LDB2: variants seen among roughly 807,000 people sequenced by gnomAD.
The protein encoded by LDB2 is LIM domain binding 2.
LDB2 carries 12 observed loss-of-function variants against 44.3 expected under a neutral mutation model. The ratio of observed to expected loss-of-function variants is 0.27; its 90% CI spans 0.17 to 0.44. The LOEUF is 0.44. LDB2 is among the 20% of genes least tolerant of loss of function. LDB2 has a pLI of 1.00. For synonymous variants in LDB2, 164 were observed against 174.8 expected (o/e 0.94, Z 0.49); for missense variants, 344 against 473.5 (o/e 0.73, Z 2.54).
At chr4:16,546,332 T>C (rs1471829042) in intron 5 of LDB2, among the ~76,000 whole-genome samples, 1 of 152,192 alleles carries the variant, frequency 6.6e-6, no homozygotes, top group African/African-American at 2.4e-5. Context: ...TTCTAAAATG[T>C]GAATTGGCCC....
At chr4:16,879,376 C>G (rs745801540) in intron 1 of LDB2, among the ~76,000 whole-genome samples, 11 of 152,264 alleles carry the variant, frequency 7.2e-5, no homozygotes, top group Non-Finnish European at 1.6e-4. Flanking sequence ...CTGGGTATGT[C>G]TGTGAAGGTG....
At position 16,863,821 on chromosome 4, in the gene LDB2, C is replaced by T. The variant is rs184514892; in HGVS notation, c.132+34533G>A. Among the ~76,000 whole-genome samples the T allele has an allele frequency of 6.8e-3, 1,029 of 152,198 alleles. 16 individuals carry two copies. The highest frequency in any genetic ancestry group is 0.024 in the African/African-American group (976 of 41,528). On this transcript the variant is annotated intron_variant, in intron 1 of 7. Coordinates refer to ENST00000304523, the MANE Select transcript of LDB2 (RefSeq NM_001290.5). The stretch of plus-strand genomic sequence containing the variant: ...GATTACAGGCACCCGCCACCACGCC[C>T]GGCTAATTTTTTGTATTTTTAGTAG...
At chr4:16,790,324 G>A (rs1037681731) in intron 1 of LDB2, among the ~76,000 whole-genome samples, 40 of 152,102 alleles carry the variant, frequency 2.6e-4, no homozygotes, top group African/African-American at 7.7e-4. Flanking sequence ...AACATAATAC[G>A]GTCATGCACC....
intron 1 of LDB2, among the ~76,000 whole-genome samples, chr4:16,847,480 T>TA (rs1284985906): frequency 2.0e-5 from 3 of 152,262 alleles, no homozygotes; most frequent in Non-Finnish European, 2.9e-5. Flanking sequence ...CAAAGATGTT[T>TA]ACCATAGTGG....
chr4:16,886,975 G>T (rs1443314917), intron 1 of LDB2, among the ~76,000 whole-genome samples: 2 of 140,914 alleles, frequency 1.4e-5, no homozygotes, highest in Non-Finnish European at 3.0e-5. Flanking sequence ...AGAGCTTGCA[G>T]TGAGCTGAGA....
At chr4:16,659,474 G>T (rs1740841992) in intron 2 of LDB2, among the ~76,000 whole-genome samples, 1 of 151,810 alleles carries the variant, frequency 6.6e-6, no homozygotes. Flanking sequence ...AATAAATGTT[G>T]CTCATAACTC....
Position 16,898,511 on chromosome 4 carries a change from T to C in LDB2, c.-26A>G, listed in dbSNP as rs1334660336. The C allele has an allele frequency of 6.2e-7, 1 of 1,612,096 alleles. No homozygotes were observed. ...CTTGCCTGCTTTTCGAAAATCAAGC[T>C]AAACAGAGTATCAGTAACGTCCATG... On this transcript the variant is annotated 5_prime_UTR_variant, in exon 1 of 8. Transcript: ENST00000304523.
chr4:16,751,456 A>G (rs773658360), intron 2 of LDB2, among the ~76,000 whole-genome samples: 12 of 152,150 alleles, frequency 7.9e-5, no homozygotes, highest in Non-Finnish European at 2.9e-5. Context: ...GTTATGGCCA[A>G]TTTGCAACTT....
intron 1 of LDB2, among the ~76,000 whole-genome samples, chr4:16,851,610 A>G (rs918848114): frequency 1.3e-5 from 2 of 152,008 alleles, no homozygotes; most frequent in African/African-American, 2.4e-5. Context: ...AAAAAAAATA[A>G]TAAGAAAAAA....
At chr4:16,564,560 T>G (rs1354354724) in intron 5 of LDB2, among the ~76,000 whole-genome samples, 1 of 152,194 alleles carries the variant, frequency 6.6e-6, no homozygotes, top group Non-Finnish European at 1.5e-5. Context: ...TTATTCAACT[T>G]AATCATCAAA....
intron 5 of LDB2, among the ~76,000 whole-genome samples, chr4:16,516,188 T>C (rs1723666293): frequency 6.6e-6 from 1 of 152,194 alleles, no homozygotes; most frequent in Non-Finnish European, 1.5e-5. Flanking sequence ...TGACTCTCAC[T>C]AGATATGCAT....
chr4:16,840,306 T>C (rs1785642129), intron 1 of LDB2, among the ~76,000 whole-genome samples: 1 of 152,220 alleles, frequency 6.6e-6, no homozygotes, highest in African/African-American at 2.4e-5. Flanking sequence ...AATAGTAATA[T>C]AAATGTATGC....
At chr4:16,847,863 G>A (rs557378748) in intron 1 of LDB2, among the ~76,000 whole-genome samples, 4 of 152,278 alleles carry the variant, frequency 2.6e-5, no homozygotes, top group Non-Finnish European at 5.9e-5. Context: ...TGATCCACCC[G>A]CCTTGGCCTC....
At chr4:16,735,262 A>C (rs1579178652) in intron 2 of LDB2, among the ~76,000 whole-genome samples, 1 of 152,282 alleles carries the variant, frequency 6.6e-6, no homozygotes, top group Admixed American at 6.5e-5. Context: ...AGATGGAAGC[A>C]TCCCAGAGAA....
intron 1 of LDB2, among the ~76,000 whole-genome samples, chr4:16,813,134 G>A (rs143226243): frequency 1.1e-3 from 170 of 152,120 alleles, no homozygotes; most frequent in Middle Eastern, 0.01. Context: ...TAGTAGCTGG[G>A]ACTACCATGC....
At chr4:16,627,724 C>T (rs1201923185) in intron 2 of LDB2, among the ~76,000 whole-genome samples, 1 of 152,198 alleles carries the variant, frequency 6.6e-6, no homozygotes, top group Non-Finnish European at 1.5e-5. Context: ...AATCGCTTCT[C>T]TTTGTGTGTT....
intron 2 of LDB2, among the ~76,000 whole-genome samples, chr4:16,739,872 G>T (rs1762884720): frequency 6.7e-6 from 1 of 148,596 alleles, no homozygotes; most frequent in Admixed American, 6.8e-5. Flanking sequence ...TTATATGAGG[G>T]TTTTTTTTAA....
intron 2 of LDB2, among the ~76,000 whole-genome samples, chr4:16,733,968 T>C (rs1194651661): frequency 6.6e-6 from 1 of 152,204 alleles, no homozygotes; most frequent in Non-Finnish European, 1.5e-5. Flanking sequence ...CAGGAGACAA[T>C]GCCTATTTTT....
At chr4:16,813,558 T>C (rs1424840217) in intron 1 of LDB2, among the ~76,000 whole-genome samples, 1 of 152,158 alleles carries the variant, frequency 6.6e-6, no homozygotes, top group Admixed American at 6.5e-5. Flanking sequence ...TGCACAAAAA[T>C]CTGTAAGAGT....
Sources: gnomAD v4.1 joint callset for allele counts (sites outside exome capture counted in the v4.1 genomes callset) on GRCh38, gnomAD v4.1.1 for gene constraint, MANE v1.5 for transcripts, NCBI Gene and HGNC (gene_info 2026-07-23, HGNC 2026-07-21) for gene names.